MYO1D: variants seen among roughly 807,000 people sequenced by gnomAD.
MYO1D encodes the protein unconventional myosin-Id.
A neutral mutation model predicts 122.0 loss-of-function variants in MYO1D; 83 were observed. The observed-to-expected ratio is 0.68, with a 90% confidence interval of 0.57 to 0.82. The LOEUF is 0.82. Ranked by LOEUF, MYO1D falls within the 40% of genes least tolerant of loss-of-function variation. The pLI, the probability that MYO1D is intolerant of heterozygous loss-of-function variation, is 0.00. For synonymous variants in MYO1D, 464 were observed against 446.9 expected (o/e 1.04, Z -0.48); for missense variants, 1,157 against 1,269.5 (o/e 0.91, Z 1.35).
chr17:32,801,558 CCAGGTTTCTTCCTACCA>C (rs1464536253), intron 1 of MYO1D, among the ~76,000 whole-genome samples: 2 of 152,002 alleles, frequency 1.3e-5, no homozygotes, highest in Non-Finnish European at 2.9e-5. Context: ...TAATGGGAGC[CCAGGTTTCTTCCTACCA>C]CAGAAAGAAA....
intron 6 of MYO1D, 85 bp downstream of exon 6, chr17:32,771,040 A>T: frequency 1.0e-6 from 1 of 958,086 alleles, no homozygotes; most frequent in East Asian, 2.5e-5. Context: ...TAAAGATAGC[A>T]GGCTTGACCA....
In MYO1D at chr17:32,633,652, C is replaced by A. The variant is rs1230588554; in HGVS notation, c.2709+5070G>T. Among the ~76,000 whole-genome samples the A allele has an allele frequency of 2.0e-5, 3 of 151,414 alleles. 1 individual carries two copies. Among genetic ancestry groups the A allele is most frequent in the Admixed American group, 2.0e-4 (3 of 15,152 alleles). On this transcript the variant is annotated intron_variant, in intron 20 of 21. Transcript: ENST00000318217. ...TCTTACAAATGTATACATCTGTGAA[C>A]CCCCCACCAGATCAAGCTATTACAC...
chr17:32,610,868 G>A lies in MYO1D; in HGVS notation c.2710-5627C>T, dbSNP rs573862316. ...TTGGGCAGCCATAACACATAGATGC[G>A]TTTCTCCGAACAAAAGGGAAACTCC... On this transcript the variant is annotated intron_variant, in intron 20 of 21. Transcript: ENST00000318217. Among the ~76,000 whole-genome samples, 8 of 152,258 alleles carry A rather than the reference G, an allele frequency of 5.3e-5. No homozygotes were observed. In the East Asian group the frequency reaches 5.8e-4, roughly 11 times the overall value.
chr17:32,802,093 A>G (rs1411070305), intron 1 of MYO1D, among the ~76,000 whole-genome samples: 1 of 152,224 alleles, frequency 6.6e-6, no homozygotes, highest in Admixed American at 6.5e-5. Context: ...ACCATTGATT[A>G]CAAGGGAGAA....
chr17:32,585,914 C>CT (rs1430962274), intron 21 of MYO1D, among the ~76,000 whole-genome samples: 3 of 151,110 alleles, frequency 2.0e-5, no homozygotes, highest in East Asian at 1.9e-4. Context: ...GTGCAAAAAA[C>CT]TTTTTTTTTG....
At chr17:32,799,989 G>T (rs2090447354) in intron 1 of MYO1D, among the ~76,000 whole-genome samples, 1 of 151,968 alleles carries the variant, frequency 6.6e-6, no homozygotes, top group Non-Finnish European at 1.5e-5. Flanking sequence ...CCAAAATGAG[G>T]TATCACCTCA....
chr17:32,798,704 G>A (rs953713464), intron 1 of MYO1D, among the ~76,000 whole-genome samples: 1 of 152,194 alleles, frequency 6.6e-6, no homozygotes, highest in African/African-American at 2.4e-5. Context: ...TATGGTAAGG[G>A]AAAGGGAGCT....
In MYO1D at chr17:32,502,890, C is replaced by T. The variant is rs559991045; in HGVS notation, c.2865-7975G>A. On this transcript the variant is annotated intron_variant, in intron 21 of 21. Coordinates refer to ENST00000318217, the MANE Select transcript of MYO1D (RefSeq NM_015194.3). The stretch of plus-strand genomic sequence containing the variant: ...TCTGAGGGTGCGCCAAGCCAAAGGA[C>T]AGCTGCCGAGGGAGGCTGGCTGCAT... Among the ~76,000 whole-genome samples the T allele has an allele frequency of 1.1e-4, 16 of 152,330 alleles. No individual in the cohort carries two copies. In the South Asian group the frequency reaches 2.7e-3, roughly 26 times the overall value.
chr17:32,713,632 C>T (rs1010922242), intron 15 of MYO1D, among the ~76,000 whole-genome samples: 1 of 151,628 alleles, frequency 6.6e-6, no homozygotes, highest in African/African-American at 2.4e-5. Context: ...ACATTAAATA[C>T]ATTATTATTA....
intron 21 of MYO1D, among the ~76,000 whole-genome samples, chr17:32,534,216 G>A (rs1910592900): frequency 6.6e-6 from 1 of 152,102 alleles, no homozygotes; most frequent in Non-Finnish European, 1.5e-5. Context: ...ACCAAGGCTG[G>A]AGTGCCGTGG....
intron 21 of MYO1D, among the ~76,000 whole-genome samples, chr17:32,553,023 G>A (rs572493026): frequency 5.1e-4 from 75 of 146,706 alleles, no homozygotes; most frequent in South Asian, 1.1e-3. Flanking sequence ...GACTGCTTGA[G>A]TCCAGGAGTT....
chr17:32,722,823 T>C (rs1358378889), intron 14 of MYO1D, among the ~76,000 whole-genome samples: 2 of 152,156 alleles, frequency 1.3e-5, no homozygotes, highest in Non-Finnish European at 2.9e-5. Flanking sequence ...TGAAATTTCT[T>C]CAGTGACAGG....
chr17:32,617,899 T>A (rs958282933), intron 20 of MYO1D, among the ~76,000 whole-genome samples: 1 of 152,250 alleles, frequency 6.6e-6, no homozygotes, highest in Non-Finnish European at 1.5e-5. Flanking sequence ...GTTATTATTT[T>A]AACACATCAG....
chr17:32,646,388 G>C (rs1407259234), intron 19 of MYO1D, among the ~76,000 whole-genome samples: 1 of 152,048 alleles, frequency 6.6e-6, no homozygotes, highest in African/African-American at 2.4e-5. Context: ...AGCATTGCTT[G>C]AGCCCGGGAG....
chr17:32,598,953 G>A (rs2087529593), intron 21 of MYO1D, among the ~76,000 whole-genome samples: 1 of 152,180 alleles, frequency 6.6e-6, no homozygotes, highest in Non-Finnish European at 1.5e-5. Flanking sequence ...TAATCTTTTT[G>A]CTGTTGGAGG....
intron 21 of MYO1D, among the ~76,000 whole-genome samples, chr17:32,579,876 T>A (rs779692067): frequency 6.6e-6 from 1 of 152,256 alleles, no homozygotes; most frequent in Non-Finnish European, 1.5e-5. Flanking sequence ...AGTTTGCTTA[T>A]CCATCTTCCA....
chr17:32,822,290 C>T lies in MYO1D; in HGVS notation c.96-41506G>A, dbSNP rs1234825960. On this transcript the variant is annotated intron_variant, in intron 1 of 21. Coordinates refer to ENST00000318217, the MANE Select transcript of MYO1D (RefSeq NM_015194.3). ...ATCGCAAGGACAGAAAACCAAACAC[C>T]GCATGTTCTCACTCATAGGTGGGAA... 3.8e-4 allele frequency among the ~76,000 whole-genome samples: 57 copies of T among 151,134 alleles called. 1 individual carries two copies. Among genetic ancestry groups the T allele is most frequent in the South Asian group, 2.1e-4 (1 of 4,764 alleles).
At chr17:32,616,466 T>C (rs1340330726) in intron 20 of MYO1D, among the ~76,000 whole-genome samples, 1 of 148,744 alleles carries the variant, frequency 6.7e-6, no homozygotes, top group African/African-American at 2.5e-5. Context: ...TACCACCACA[T>C]CTGACTAATT....
chr17:32,781,217 C>A (rs1027752122), intron 1 of MYO1D, among the ~76,000 whole-genome samples: 8 of 152,090 alleles, frequency 5.3e-5, no homozygotes, highest in Non-Finnish European at 4.4e-5. Flanking sequence ...CCCTCTTGAA[C>A]CTCACTAAAA....
Sources: gnomAD v4.1 joint callset for allele counts (sites outside exome capture counted in the v4.1 genomes callset) on GRCh38, gnomAD v4.1.1 for gene constraint, MANE v1.5 for transcripts, NCBI Gene and HGNC (gene_info 2026-07-23, HGNC 2026-07-21) for gene names.